RBFOX1: variants seen among roughly 807,000 people sequenced by gnomAD.
The protein encoded by RBFOX1 is RNA binding fox-1 homolog 1.
A neutral mutation model predicts 57.7 loss-of-function variants in RBFOX1; 8 were observed. That is an observed-to-expected ratio of 0.14 (90% CI 0.08 to 0.25). The LOEUF (loss-of-function observed/expected upper bound fraction) is 0.25. Among genes scored for constraint, RBFOX1 ranks in the 10% least tolerant of loss-of-function variants. RBFOX1 has a pLI of 1.00. For synonymous variants in RBFOX1, 326 were observed against 222.4 expected, an observed-to-expected ratio of 1.47 and a Z score of -4.15; for missense variants, 611 against 548.5, an observed-to-expected ratio of 1.11 and a Z score of -1.14.
chr16:6,280,674 A>C (rs2076280641), intron 1 of RBFOX1, among the ~76,000 whole-genome samples: 1 of 152,088 alleles, frequency 6.6e-6, no homozygotes, highest in South Asian at 2.1e-4. Context: ...AGATAGGGAA[A>C]TTATATAACC....
intron 1 of RBFOX1, among the ~76,000 whole-genome samples, chr16:6,278,135 C>T (rs1436500241): frequency 6.6e-6 from 1 of 152,022 alleles, no homozygotes; most frequent in Non-Finnish European, 1.5e-5. Context: ...CATGAAGGGA[C>T]TTTGTGGAAA....
At chr16:5,292,651 ATCTC>A (rs2063563535) in intron 1 of RBFOX1, among the ~76,000 whole-genome samples, 4 of 108,230 alleles carry the variant, frequency 3.7e-5, no homozygotes, top group African/African-American at 1.3e-4. Flanking sequence ...TATTTATTTA[ATCTC>A]TCTCTGTCAC....
chr16:6,211,128 C>T (rs1418484891), intron 1 of RBFOX1, among the ~76,000 whole-genome samples: 1 of 109,948 alleles, frequency 9.1e-6, no homozygotes, highest in African/African-American at 2.6e-5. Context: ...TAACGGCAGA[C>T]TGGACAGTAA....
chr16:5,691,597 T>C (rs987750328), intron 3 of RBFOX1, among the ~76,000 whole-genome samples: 56 of 152,336 alleles, frequency 3.7e-4, no homozygotes, highest in African/African-American at 1.3e-3. Context: ...TTTTGCATTA[T>C]ACTTATCAGT....
intron 3 of RBFOX1, among the ~76,000 whole-genome samples, chr16:6,915,554 T>TCCC (rs2072931781): frequency 2.1e-5 from 3 of 140,944 alleles, no homozygotes; most frequent in African/African-American, 2.8e-5. Context: ...ACCCCCCTTT[T>TCCC]TTTTTTTTTT....
intron 2 of RBFOX1, among the ~76,000 whole-genome samples, chr16:5,501,676 T>C (rs2043202811): frequency 6.6e-6 from 1 of 152,140 alleles, no homozygotes; most frequent in Non-Finnish European, 1.5e-5. Context: ...ACACAGTTCA[T>C]GGTGTGTGGG....
chr16:6,512,877 T>A (rs2096282655), intron 2 of RBFOX1, among the ~76,000 whole-genome samples: 1 of 152,178 alleles, frequency 6.6e-6, no homozygotes, highest in African/African-American at 2.4e-5. Context: ...ACTGACTTTA[T>A]TTTGAAGGTT....
chr16:6,935,121 A>C (rs1258845630), intron 3 of RBFOX1, among the ~76,000 whole-genome samples: 1 of 152,232 alleles, frequency 6.6e-6, no homozygotes, highest in South Asian at 2.1e-4. Flanking sequence ...AAAACAGCTT[A>C]TTTAACCTAT....
chr16:6,658,448 C>T (rs1032452514), intron 3 of RBFOX1, among the ~76,000 whole-genome samples: 1 of 152,050 alleles, frequency 6.6e-6, no homozygotes, highest in Admixed American at 6.6e-5. Context: ...ACCTCGTGAT[C>T]CGCCTGCTTC....
At chr16:7,595,334 G>A (rs538133898) in intron 7 of RBFOX1, among the ~76,000 whole-genome samples, 3 of 152,032 alleles carry the variant, frequency 2.0e-5, no homozygotes. Flanking sequence ...AATACTTCAG[G>A]GGTTACAGCT....
At chr16:6,626,378 T>G (rs976413795) in intron 2 of RBFOX1, among the ~76,000 whole-genome samples, 1 of 152,100 alleles carries the variant, frequency 6.6e-6, no homozygotes, top group Admixed American at 6.5e-5. Flanking sequence ...GAGCTGAGGC[T>G]CGGGAGGGCT....
chr16:7,023,960 C>G (rs1267560606), intron 3 of RBFOX1, among the ~76,000 whole-genome samples: 2 of 152,076 alleles, frequency 1.3e-5, no homozygotes, highest in Non-Finnish European at 2.9e-5. Flanking sequence ...ATAGCTGTCA[C>G]TCTCCTAGGG....
At chr16:6,240,829 G>A (rs1318120303) in intron 1 of RBFOX1, among the ~76,000 whole-genome samples, 2 of 152,074 alleles carry the variant, frequency 1.3e-5, no homozygotes, top group African/African-American at 4.8e-5. Context: ...GATATTTTCA[G>A]TCAGAAATAT....
At chr16:6,023,638 G>A (rs780633044) in intron 1 of RBFOX1, among the ~76,000 whole-genome samples, 1 of 152,178 alleles carries the variant, frequency 6.6e-6, no homozygotes, top group Non-Finnish European at 1.5e-5. Flanking sequence ...TGAAATCCTA[G>A]CACGTTTGCT....
chr16:6,272,247 C>T (rs1028017092), intron 1 of RBFOX1, among the ~76,000 whole-genome samples: 1 of 152,042 alleles, frequency 6.6e-6, no homozygotes, highest in Non-Finnish European at 1.5e-5. Flanking sequence ...AAATTCAACA[C>T]CCATTCATGG....
At chr16:5,919,135 C>G (rs1008065270) in intron 4 of RBFOX1, among the ~76,000 whole-genome samples, 11 of 152,112 alleles carry the variant, frequency 7.2e-5, no homozygotes, top group Non-Finnish European at 1.0e-4. Flanking sequence ...GGTGTTTATA[C>G]TTCTTATCCT....
chr16:6,395,254 G>A (rs912839937), intron 2 of RBFOX1, among the ~76,000 whole-genome samples: 4 of 152,162 alleles, frequency 2.6e-5, no homozygotes, highest in East Asian at 3.9e-4. Context: ...AAACGAATGC[G>A]TTTTTGTCAT....
chr16:7,576,700 A>G (rs1484682054), intron 5 of RBFOX1, among the ~76,000 whole-genome samples: 1 of 152,252 alleles, frequency 6.6e-6, no homozygotes, highest in African/African-American at 2.4e-5. Context: ...GTATAATGCT[A>G]TTAATCATTT....
chr16:7,576,173 CT>C (rs967177750), intron 5 of RBFOX1, among the ~76,000 whole-genome samples: 13 of 151,974 alleles, frequency 8.6e-5, no homozygotes. Context: ...ATCCTCCCAC[CT>C]TAGCCTGCCA....
Sources: gnomAD v4.1 joint callset for allele counts (sites outside exome capture counted in the v4.1 genomes callset) on GRCh38, gnomAD v4.1.1 for gene constraint, MANE v1.5 for transcripts, NCBI Gene and HGNC (gene_info 2026-07-23, HGNC 2026-07-21) for gene names.